PRKG1: variants seen among roughly 807,000 people sequenced by gnomAD.
The protein encoded by PRKG1 is cGMP-dependent protein kinase 1.
A neutral mutation model predicts 88.1 loss-of-function variants in PRKG1; 35 were observed. The ratio of observed to expected loss-of-function variants is 0.40; its 90% CI spans 0.30 to 0.53. The LOEUF (loss-of-function observed/expected upper bound fraction) is 0.53. PRKG1 is among the 20% of genes least tolerant of loss of function. The pLI is 0.59. For synonymous variants in PRKG1, 303 were observed against 292.5 expected, an observed-to-expected ratio of 1.04 and a Z score of -0.37; for missense variants, 540 against 839.8, an observed-to-expected ratio of 0.64 and a Z score of 4.41.
At chr10:51,741,031 G>A (rs1837419969) in intron 3 of PRKG1, among the ~76,000 whole-genome samples, 1 of 151,906 alleles carries the variant, frequency 6.6e-6, no homozygotes, top group Non-Finnish European at 1.5e-5. Context: ...GGAGCCAAGT[G>A]TGGGGACACC....
At chr10:51,858,804 T>G (rs1347821995) in intron 4 of PRKG1, among the ~76,000 whole-genome samples, 1 of 152,116 alleles carries the variant, frequency 6.6e-6, no homozygotes, top group East Asian at 1.9e-4. Context: ...AAACCTGCTC[T>G]GGGCTACAGG....
chr10:51,931,522 A>G (rs1842695248), intron 5 of PRKG1, among the ~76,000 whole-genome samples: 1 of 152,190 alleles, frequency 6.6e-6, no homozygotes, highest in South Asian at 2.1e-4. Flanking sequence ...AACCAGACCA[A>G]TCCCCTCATG....
At chr10:51,669,981 T>C (rs952398019) in intron 3 of PRKG1, among the ~76,000 whole-genome samples, 1 of 152,218 alleles carries the variant, frequency 6.6e-6, no homozygotes, top group Admixed American at 6.5e-5. Flanking sequence ...AAATTATGGC[T>C]TTATGATAAA....
intron 3 of PRKG1, among the ~76,000 whole-genome samples, chr10:51,690,770 A>G (rs1841116502): frequency 6.6e-6 from 1 of 151,860 alleles, no homozygotes; most frequent in African/African-American, 2.4e-5. Flanking sequence ...TACTAAAAAT[A>G]CAAAAATTAG....
intron 2 of PRKG1, among the ~76,000 whole-genome samples, chr10:51,377,064 A>G (rs1842832537): frequency 6.6e-6 from 1 of 152,212 alleles, no homozygotes; most frequent in East Asian, 1.9e-4. Context: ...AATACACTTA[A>G]TGTTATAACC....
chr10:51,058,585 G>C (rs1820078033), intron 1 of PRKG1, among the ~76,000 whole-genome samples: 2 of 151,986 alleles, frequency 1.3e-5, no homozygotes, highest in Non-Finnish European at 2.9e-5. Context: ...TGCTTCTCTA[G>C]GTTTGTATAA....
intron 5 of PRKG1, among the ~76,000 whole-genome samples, chr10:52,041,794 TA>T: frequency 6.6e-6 from 1 of 152,280 alleles, no homozygotes; most frequent in South Asian, 2.1e-4. Context: ...TGATCTTAAA[TA>T]TGTAAAACCC....
At chr10:51,747,161 G>A (rs1036608197) in intron 3 of PRKG1, among the ~76,000 whole-genome samples, 1 of 152,198 alleles carries the variant, frequency 6.6e-6, no homozygotes, top group African/African-American at 2.4e-5. Context: ...TTGCTCTAAA[G>A]TGGTTCAGAT....
chr10:51,804,517 G>A (rs771603677), intron 3 of PRKG1, 68 bp from the exon 4 acceptor site: 1 of 1,066,790 alleles, frequency 9.4e-7, no homozygotes, highest in Non-Finnish European at 1.4e-6. Flanking sequence ...TCCTTTGCAG[G>A]ATGTTGTTCA....
rs144154011 is a variant in PRKG1 at position 51,925,510 on chromosome 10, G to A, written c.762+17940G>A. On this transcript the variant is annotated intron_variant, in intron 5 of 17. Transcript: ENST00000373980. ...CTTTCTCCTTATCAAAGACTAGAGG[G>A]AACTGGACTGGGTATTTGCCTTCTT... Among the ~76,000 whole-genome samples, 840 of 152,226 alleles carry A rather than the reference G, an allele frequency of 5.5e-3. 2 individuals are homozygous for A. Among genetic ancestry groups the A allele is most frequent in the Non-Finnish European group, 9.8e-3 (665 of 68,008 alleles).
intron 2 of PRKG1, among the ~76,000 whole-genome samples, chr10:51,181,063 T>G (rs117942529): frequency 6.6e-4 from 101 of 152,106 alleles, no homozygotes; most frequent in East Asian, 6.6e-3. Context: ...TGTTACACCT[T>G]GGATCAGGGA....
At chr10:52,268,468 G>A (rs563676612) in intron 10 of PRKG1, among the ~76,000 whole-genome samples, 1 of 152,116 alleles carries the variant, frequency 6.6e-6, no homozygotes, top group African/African-American at 2.4e-5. Flanking sequence ...TCCCTGGGAA[G>A]TGCCTAGGAA....
At chr10:51,512,875 A>G (rs1301107714) in intron 3 of PRKG1, among the ~76,000 whole-genome samples, 1 of 93,558 alleles carries the variant, frequency 1.1e-5, no homozygotes, top group Non-Finnish European at 2.1e-5. Flanking sequence ...TGACTTTTTA[A>G]TGATTGCCAT....
At chr10:52,166,430 A>AT (rs71032627) in intron 9 of PRKG1, among the ~76,000 whole-genome samples, 22,917 of 105,788 alleles carry the variant, frequency 0.22, 2,877 homozygotes, top group Non-Finnish European at 0.28. Context: ...TTTGAATATA[A>AT]TTTTTTTTTT....
intron 2 of PRKG1, among the ~76,000 whole-genome samples, chr10:51,435,247 C>CTTGT (rs956468137): frequency 6.6e-6 from 1 of 151,872 alleles, no homozygotes; most frequent in African/African-American, 2.4e-5. Flanking sequence ...TATGTGTTTG[C>CTTGT]TTGTTTGTTT....
chr10:51,717,949 G>T (rs917598026), intron 3 of PRKG1, among the ~76,000 whole-genome samples: 1 of 152,026 alleles, frequency 6.6e-6, no homozygotes, highest in African/African-American at 2.4e-5. Context: ...CATTATAATA[G>T]TTTTCTAAAT....
chr10:52,215,329 G>A (rs1383688819), intron 9 of PRKG1, among the ~76,000 whole-genome samples: 1 of 151,472 alleles, frequency 6.6e-6, no homozygotes, highest in Admixed American at 6.6e-5. Flanking sequence ...GGAAGGTGGA[G>A]GTTGCAGTGA....
At position 51,933,101 on chromosome 10, in the gene PRKG1, A is replaced by G. The variant is rs145109381; in HGVS notation, c.762+25531A>G. ...TGATAATCATGATTTCCAAGTACAG[A>G]TGCAAGATGTCATGTGCGGACTATA... On this transcript the variant is annotated intron_variant, in intron 5 of 17. Transcript: ENST00000373980. Among the ~76,000 whole-genome samples the G allele has an allele frequency of 4.7e-3, 708 of 152,200 alleles. 7 individuals carry two copies. Among genetic ancestry groups the G allele is most frequent in the African/African-American group, 0.016 (672 of 41,536 alleles).
intron 1 of PRKG1, among the ~76,000 whole-genome samples, chr10:51,145,564 T>A (rs549928774): frequency 1.3e-5 from 2 of 152,326 alleles, no homozygotes; most frequent in Admixed American, 6.5e-5. Context: ...GGAGAAGAGC[T>A]TGATCTGGAT....
Sources: gnomAD v4.1 joint callset for allele counts (sites outside exome capture counted in the v4.1 genomes callset) on GRCh38, gnomAD v4.1.1 for gene constraint, MANE v1.5 for transcripts, NCBI Gene and HGNC (gene_info 2026-07-23, HGNC 2026-07-21) for gene names.